UST: variants seen among roughly 807,000 people sequenced by gnomAD.
The protein encoded by UST is chondroitin sulfate 2-O-sulfotransferase.
In UST, 21 loss-of-function variants were observed where a neutral mutation model predicts 45.6. The ratio of observed to expected loss-of-function variants is 0.46; its 90% CI spans 0.33 to 0.66. UST has a LOEUF of 0.66. Ranked by LOEUF, UST falls within the 30% of genes least tolerant of loss-of-function variation. UST has a pLI of 0.02. For missense variants in UST, 463 were observed against 512.4 expected (o/e 0.90, Z 0.93); for synonymous variants, 215 against 200.6 (o/e 1.07, Z -0.61).
chr6:148,753,158 T>C lies in UST; in HGVS notation c.247+5481T>C, dbSNP rs990568213. Among the ~76,000 whole-genome samples, 23 of 152,340 alleles carry C rather than the reference T, an allele frequency of 1.5e-4. 1 individual carries two copies. The highest frequency in any genetic ancestry group is 5.1e-4 in the African/African-American group (21 of 41,582). On this transcript the variant is annotated intron_variant, in intron 1 of 7. Coordinates refer to ENST00000367463, the MANE Select transcript of UST (RefSeq NM_005715.3). The stretch of plus-strand genomic sequence containing the variant: ...TTGTTGAGATATAATTCATATACCA[T>C]ATAATTCACCCATTTAAAGTTTTTA...
intron 1 of UST, among the ~76,000 whole-genome samples, chr6:148,865,879 G>A (rs751819279): frequency 1.3e-5 from 2 of 152,002 alleles, no homozygotes; most frequent in Non-Finnish European, 2.9e-5. Context: ...AATATTTTGG[G>A]GACTATGCAT....
At chr6:148,781,421 G>A (rs1277954448) in intron 1 of UST, among the ~76,000 whole-genome samples, 2 of 152,194 alleles carry the variant, frequency 1.3e-5, no homozygotes, top group Non-Finnish European at 2.9e-5. Context: ...TGAAGGCTGA[G>A]AGAGGTGAGG....
chr6:149,016,854 C>T (rs750498679), intron 5 of UST, among the ~76,000 whole-genome samples: 5 of 152,190 alleles, frequency 3.3e-5, no homozygotes, highest in Non-Finnish European at 7.3e-5. Context: ...TCTCACCCAG[C>T]TCCTGGCCCC....
intron 5 of UST, chr6:148,964,785 C>A: frequency 1.7e-6 from 1 of 603,754 alleles, no homozygotes; most frequent in Non-Finnish European, 2.8e-6. Flanking sequence ...TCTGATTTTG[C>A]TTTGCTCAGT....
At chr6:149,044,703 G>A (rs1033076572) in intron 7 of UST, among the ~76,000 whole-genome samples, 1 of 152,316 alleles carries the variant, frequency 6.6e-6, no homozygotes, top group South Asian at 2.1e-4. Flanking sequence ...TACCACCAGA[G>A]ACAAGAATGC....
intron 1 of UST, among the ~76,000 whole-genome samples, chr6:148,866,174 CTAAA>C (rs1053658615): frequency 1.2e-4 from 12 of 97,664 alleles, no homozygotes; most frequent in African/African-American, 5.0e-4. Flanking sequence ...TTAGTGATAA[CTAAA>C]TAAATTTAGT....
chr6:148,866,222 A>G (rs1313676971), intron 1 of UST, among the ~76,000 whole-genome samples: 1 of 147,076 alleles, frequency 6.8e-6, no homozygotes, highest in African/African-American at 2.5e-5. Context: ...TAGTTTAGAA[A>G]ACCTACGATG....
At chr6:148,991,810 T>A (rs188307684) in intron 5 of UST, among the ~76,000 whole-genome samples, 50 of 152,314 alleles carry the variant, frequency 3.3e-4, no homozygotes, top group African/African-American at 1.2e-3. Context: ...GTTTATTATA[T>A]ACATTTAAGC....
intron 7 of UST, among the ~76,000 whole-genome samples, chr6:149,059,116 G>A (rs77985293): frequency 6.6e-5 from 10 of 152,164 alleles, no homozygotes; most frequent in Non-Finnish European, 1.3e-4. Flanking sequence ...GCTGACTTAG[G>A]GGGGTGGTTG....
At chr6:148,904,110 G>T (rs916234055) in intron 2 of UST, among the ~76,000 whole-genome samples, 1 of 152,184 alleles carries the variant, frequency 6.6e-6, no homozygotes, top group Admixed American at 6.5e-5. Flanking sequence ...GAAGCAGTGT[G>T]TTTGAGGTGA....
At chr6:149,063,245 CAA>C (rs1776681373) in intron 7 of UST, among the ~76,000 whole-genome samples, 1 of 152,160 alleles carries the variant, frequency 6.6e-6, no homozygotes, top group Non-Finnish European at 1.5e-5. Context: ...ATAGAAAGCT[CAA>C]AGTTTGTTTT....
intron 2 of UST, among the ~76,000 whole-genome samples, chr6:148,928,447 A>G (rs1281632953): frequency 2.6e-5 from 4 of 152,254 alleles, no homozygotes. Flanking sequence ...GTATCAATTT[A>G]TAAAAATATT....
intron 1 of UST, among the ~76,000 whole-genome samples, chr6:148,809,263 C>T (rs1433324069): frequency 6.6e-6 from 1 of 151,908 alleles, no homozygotes; most frequent in Non-Finnish European, 1.5e-5. Context: ...TTGGGGATCT[C>T]AGAAGTCTTA....
At chr6:148,801,058 T>A (rs937601920) in intron 1 of UST, among the ~76,000 whole-genome samples, 1 of 152,176 alleles carries the variant, frequency 6.6e-6, no homozygotes, top group African/African-American at 2.4e-5. Context: ...AGCTTGCAAC[T>A]CCATCAGTGA....
intron 1 of UST, among the ~76,000 whole-genome samples, chr6:148,804,160 G>A (rs144049306): frequency 5.1e-4 from 77 of 152,338 alleles, no homozygotes; most frequent in East Asian, 1.2e-3. Context: ...AACTCAGGAC[G>A]TGGCTTGTAT....
At chr6:148,860,033 A>C (rs1472671660) in intron 1 of UST, among the ~76,000 whole-genome samples, 2 of 152,214 alleles carry the variant, frequency 1.3e-5, no homozygotes, top group Non-Finnish European at 2.9e-5. Context: ...TCTGTGAAGA[A>C]AGTCATTGGT....
chr6:149,061,695 C>T (rs1776657715), intron 7 of UST, among the ~76,000 whole-genome samples: 1 of 152,180 alleles, frequency 6.6e-6, no homozygotes, highest in African/African-American at 2.4e-5. Flanking sequence ...GAACTTTTTC[C>T]CTGCAGCCTT....
chr6:148,818,369 A>T (rs78148604), intron 1 of UST, among the ~76,000 whole-genome samples: 1,932 of 152,302 alleles, frequency 0.013, 41 homozygotes, highest in African/African-American at 0.044. Context: ...ATCACTTTTC[A>T]TTGGAAGTAG....
chr6:148,834,607 C>T (rs1209750685), intron 1 of UST, among the ~76,000 whole-genome samples: 6 of 152,004 alleles, frequency 3.9e-5, no homozygotes, highest in Admixed American at 2.6e-4. Flanking sequence ...TGGTGGTGCA[C>T]GCCTGTAGTC....
Sources: allele counts gnomAD v4.1 joint callset (sites outside exome capture counted in the v4.1 genomes callset), GRCh38; gene constraint gnomAD v4.1.1; transcripts MANE v1.5; gene names NCBI Gene and HGNC (gene_info 2026-07-23, HGNC 2026-07-21).